DLG5: variants seen among roughly 807,000 people sequenced by gnomAD.
DLG5 encodes disks large homolog 5.
Under a neutral mutation model 189.8 loss-of-function variants are expected in DLG5, and 48 were observed. That is an observed-to-expected ratio of 0.25 (90% CI 0.20 to 0.32). The LOEUF (loss-of-function observed/expected upper bound fraction) is 0.32. DLG5 is among the 10% of genes least tolerant of loss of function. The pLI is 1.00. For synonymous variants in DLG5, 1,016 were observed against 1,054.1 expected, an observed-to-expected ratio of 0.96 and a Z score of 0.70; for missense variants, 2,160 against 2,544.7, an observed-to-expected ratio of 0.85 and a Z score of 3.25.
chr10:77,862,693 G>C (rs559066267), intron 2 of DLG5, among the ~76,000 whole-genome samples: 1 of 152,328 alleles, frequency 6.6e-6, no homozygotes, highest in African/African-American at 2.4e-5. Context: ...ATAAACAACT[G>C]TGTTATGTCC....
chr10:77,890,982 A>C (rs1259050495), intron 1 of DLG5, among the ~76,000 whole-genome samples: 7 of 152,014 alleles, frequency 4.6e-5, no homozygotes, highest in African/African-American at 1.7e-4. Context: ...CTTGCTTATC[A>C]CACCCAGCCC....
At chr10:77,937,454 T>C in the DLG5 span, among the ~76,000 whole-genome samples, 1 of 152,184 alleles carries the variant, frequency 6.6e-6, no homozygotes, top group Non-Finnish European at 1.5e-5. Flanking sequence ...ACAGGGACCC[T>C]GTGCTGTTAT....
Position 77,885,814 on chromosome 10 carries a change from G to T in DLG5, c.305-16617C>A, listed in dbSNP as rs374920624. ...CGTCCAGCCCTGACATCCTACAGGTGTTCAGAGGGGGCGTGACTGAGCCAG... is the reference window on the plus strand; with the variant it reads ...CGTCCAGCCCTGACATCCTACAGGTTTTCAGAGGGGGCGTGACTGAGCCAG... On this transcript the variant is annotated intron_variant, in intron 1 of 31. Transcript: ENST00000372391. Among the ~76,000 whole-genome samples, 23 of 152,366 alleles carry T rather than the reference G, an allele frequency of 1.5e-4. No homozygotes were observed. The East Asian group carries it at 4.1e-3, about 27-fold the overall frequency.
chr10:77,926,528 G>A lies in DLG5; in HGVS notation c.-8C>T. ...CCGGCGCTGGGGCTCCATGGTGGCGGGCCGCGCCGCCCCGCCCCGCCGGAC... is the reference window on the plus strand; with the variant it reads ...CCGGCGCTGGGGCTCCATGGTGGCGAGCCGCGCCGCCCCGCCCCGCCGGAC... On this transcript the variant is annotated 5_prime_UTR_variant, in exon 1 of 32. Coordinates refer to ENST00000372391, the MANE Select transcript of DLG5 (RefSeq NM_004747.4). This position sits in a 1 kb window ranked among gnomAD's most constrained non-coding sequence, Gnocchi z 5.2. The A allele has an allele frequency of 1.6e-6, 2 of 1,273,684 alleles. No individual in the cohort carries two copies. The highest frequency in any genetic ancestry group is 5.8e-5 in the South Asian group (2 of 34,748). 78.9% of individuals were successfully genotyped at this position (1,273,684 alleles called of 1,614,324 possible). A position where few individuals can be genotyped will look rare whatever the true frequency, so the allele number is the denominator to read the frequency against.
chr10:77,850,458 T>G (rs930768154), intron 5 of DLG5, among the ~76,000 whole-genome samples: 3 of 152,242 alleles, frequency 2.0e-5, no homozygotes, highest in African/African-American at 7.2e-5. Flanking sequence ...CAGTAGACCT[T>G]TGGGTTGTTA....
intron 13 of DLG5, among the ~76,000 whole-genome samples, chr10:77,827,711 T>C (rs1258420417): frequency 6.6e-6 from 1 of 152,152 alleles, no homozygotes. Context: ...TCTATGTCCA[T>C]CAATAGGTGG....
chr10:77,924,022 G>A (rs1424299250), intron 1 of DLG5, among the ~76,000 whole-genome samples: 4 of 151,886 alleles, frequency 2.6e-5, no homozygotes, highest in Non-Finnish European at 5.9e-5. Context: ...CCACAACCAC[G>A]CCCAGTTAAT....
At chr10:77,885,118 G>A (rs969125540) in intron 1 of DLG5, among the ~76,000 whole-genome samples, 2 of 152,064 alleles carry the variant, frequency 1.3e-5, no homozygotes, top group African/African-American at 2.4e-5. Context: ...AGCATTCTTC[G>A]CCCTAAAACC....
At chr10:77,917,548 G>C (rs1451949526) in intron 1 of DLG5, among the ~76,000 whole-genome samples, 1 of 151,358 alleles carries the variant, frequency 6.6e-6, no homozygotes, top group Admixed American at 6.6e-5. Context: ...AAGAAAGAGA[G>C]AGAGAGAAAG....
chr10:77,929,130 TG>T (rs973049094), upstream of DLG5: 1 of 152,144 alleles, frequency 6.6e-6, no homozygotes, highest in Non-Finnish European at 1.5e-5. Flanking sequence ...CTCAATTTCT[TG>T]GGCTCAAGCA....
chr10:77,812,249 T>C lies in DLG5; in HGVS notation c.4154A>G (p.Gln1385Arg). The C allele has an allele frequency of 1.2e-6, 2 of 1,614,078 alleles. No homozygotes were observed. The highest frequency in any genetic ancestry group is 1.7e-6 in the Non-Finnish European group (2 of 1,179,942). The change falls in exon 21 of 32, where the codon CAG becomes CGG. Residue 1385 changes from glutamine to arginine, a missense_variant. By Grantham distance (43) the Gln-to-Arg change is conservative (BLOSUM62 1). Transcript: ENST00000372391. ...SKVTVGSIAH[Q>R]AGLEYGDQLL... ...CTGATCCCCATACTCGAGGCCAGCCTGGTGAGCGATGCTCCCCACGGTCAC... is the reference window on the plus strand; with the variant it reads ...CTGATCCCCATACTCGAGGCCAGCCCGGTGAGCGATGCTCCCCACGGTCAC...
chr10:77,843,826 T>A lies in DLG5; in HGVS notation c.865-120A>T, dbSNP rs953057399. 1.4e-5 allele frequency: 19 copies of A among 1,349,508 alleles called. No individual in the cohort carries two copies. In the African/African-American group the frequency reaches 2.6e-4, roughly 19 times the overall value. 83.6% of individuals were successfully genotyped at this position (1,349,508 alleles called of 1,614,324 possible). On this transcript the variant is annotated intron_variant, in intron 5 of 31. Coordinates refer to ENST00000372391, the MANE Select transcript of DLG5 (RefSeq NM_004747.4). The stretch of plus-strand genomic sequence containing the variant: ...TGACAAGGCGGTTGGGGGGAGGGGG[T>A]TACCCTAAAGCTTTTGAGAGTCTTG...
intron 14 of DLG5, among the ~76,000 whole-genome samples, chr10:77,822,522 T>C (rs1248632): frequency 0.26 from 39,127 of 151,954 alleles, 5,583 homozygotes; most frequent in Admixed American, 0.39. Context: ...CATGCACCTG[T>C]AGTCCCAGCT....
chr10:77,846,062 T>C (rs552250524), intron 5 of DLG5, among the ~76,000 whole-genome samples: 7 of 150,828 alleles, frequency 4.6e-5, no homozygotes, highest in African/African-American at 1.5e-4. Context: ...CTGACCAACA[T>C]GGTGAAACCT....
chr10:77,862,032 G>C (rs571549190), intron 2 of DLG5, among the ~76,000 whole-genome samples: 19 of 152,324 alleles, frequency 1.2e-4, no homozygotes, highest in Admixed American at 1.0e-3. Flanking sequence ...GCTACGCCCA[G>C]AAGTTCCAAA....
Position 77,792,284 on chromosome 10 carries a change from C to G in DLG5, c.*156G>C. 1.4e-6 allele frequency: 1 copy of G among 723,508 alleles called. No individual in the cohort carries two copies. The highest frequency in any genetic ancestry group is 1.7e-5 in the South Asian group (1 of 58,692). The allele number at this position is 723,508 out of a possible 1,614,324, so 44.8% of individuals were successfully genotyped here. A position where few individuals can be genotyped will look rare whatever the true frequency, so the allele number is the denominator to read the frequency against. On this transcript the variant is annotated 3_prime_UTR_variant, in exon 32 of 32. Coordinates refer to ENST00000372391, the MANE Select transcript of DLG5 (RefSeq NM_004747.4). ...GCCTGGATCGCACGCAGCCGTGGCC[C>G]TCTGTCTACAAAGGAGGTGCTTCTG...
chr10:77,800,830 C>A (rs1841166532), intron 27 of DLG5, among the ~76,000 whole-genome samples: 1 of 152,196 alleles, frequency 6.6e-6, no homozygotes, highest in South Asian at 2.1e-4. Context: ...GAGTGAGAAA[C>A]TGGAAGTCAA....
chr10:77,836,276 A>G (rs1211452544), intron 7 of DLG5, among the ~76,000 whole-genome samples: 1 of 152,178 alleles, frequency 6.6e-6, no homozygotes, highest in Non-Finnish European at 1.5e-5. Context: ...AGAGAGTTAT[A>G]TGCTCCACTA....
chr10:77,882,482 TC>T (rs2154577401), intron 1 of DLG5, among the ~76,000 whole-genome samples: 1 of 152,274 alleles, frequency 6.6e-6, no homozygotes, highest in Admixed American at 6.5e-5. Flanking sequence ...TGCAAATCTT[TC>T]CCAGTCTTCC....
Sources: allele counts gnomAD v4.1 joint callset (sites outside exome capture counted in the v4.1 genomes callset), GRCh38; gene constraint gnomAD v4.1.1; non-coding constraint Gnocchi (gnomAD v3.1); transcripts MANE v1.5; gene names NCBI Gene and HGNC (gene_info 2026-07-23, HGNC 2026-07-21).